Variants in SGCZ observed in about 807,000 individuals in gnomAD.
SGCZ encodes the protein sarcoglycan zeta.
Under a neutral mutation model 41.3 loss-of-function variants are expected in SGCZ, and 40 were observed. The ratio of observed to expected loss-of-function variants is 0.97; its 90% CI spans 0.75 to 1.26. The LOEUF is 1.26. Among genes scored for constraint, SGCZ ranks in the 50% most tolerant of loss-of-function variants. The pLI, the probability that SGCZ is intolerant of heterozygous loss-of-function variation, is 0.00. For missense variants in SGCZ, 552 were observed against 369.8 expected, an observed-to-expected ratio of 1.49 and a Z score of -4.04; for synonymous variants, 206 against 137.5, an observed-to-expected ratio of 1.50 and a Z score of -3.49.
chr8:14,169,580 G>A (rs1177199004), intron 4 of SGCZ, among the ~76,000 whole-genome samples: 1 of 151,962 alleles, frequency 6.6e-6, no homozygotes, highest in Non-Finnish European at 1.5e-5. Context: ...TACCTCCTTT[G>A]TCACCCATGT....
chr8:15,154,598 T>A (rs1314692727), intron 1 of SGCZ, among the ~76,000 whole-genome samples: 1 of 152,210 alleles, frequency 6.6e-6, no homozygotes, highest in South Asian at 2.1e-4. Flanking sequence ...AACTTCAGAA[T>A]GCCACCATAT....
chr8:15,036,371 C>G (rs77411126), intron 1 of SGCZ, among the ~76,000 whole-genome samples: 3 of 152,080 alleles, frequency 2.0e-5, no homozygotes, highest in Non-Finnish European at 4.4e-5. Flanking sequence ...CATGGACACA[C>G]AGAGGGGAGT....
intron 2 of SGCZ, among the ~76,000 whole-genome samples, chr8:14,489,598 C>G (rs1362038029): frequency 1.3e-5 from 2 of 151,594 alleles, no homozygotes; most frequent in African/African-American, 4.9e-5. Context: ...AACAGAGGTA[C>G]TAAAAAATAA....
intron 3 of SGCZ, among the ~76,000 whole-genome samples, chr8:14,297,765 G>A (rs886084397): frequency 5.9e-5 from 9 of 151,980 alleles, no homozygotes; most frequent in Admixed American, 5.9e-4. Flanking sequence ...AGAAAGCTCA[G>A]TTGGTAATTT....
intron 1 of SGCZ, among the ~76,000 whole-genome samples, chr8:14,670,540 T>C (rs1384819375): frequency 1.3e-5 from 2 of 152,194 alleles, no homozygotes; most frequent in Non-Finnish European, 2.9e-5. Context: ...ATAATAGCAA[T>C]GATTAGATTA....
chr8:14,331,782 T>G (rs1219343808), intron 2 of SGCZ, among the ~76,000 whole-genome samples: 1 of 151,782 alleles, frequency 6.6e-6, no homozygotes, highest in Non-Finnish European at 1.5e-5. Flanking sequence ...AATATAATAT[T>G]AAATATTGTA....
intron 2 of SGCZ, among the ~76,000 whole-genome samples, chr8:14,480,157 A>T (rs907317856): frequency 1.3e-5 from 2 of 152,226 alleles, no homozygotes; most frequent in African/African-American, 4.8e-5. Flanking sequence ...TTCTACACTG[A>T]AACAGTTTTC....
At chr8:14,287,135 A>C (rs547116050) in intron 3 of SGCZ, among the ~76,000 whole-genome samples, 784 of 69,672 alleles carry the variant, frequency 0.011, 3 homozygotes, top group Admixed American at 0.022. Flanking sequence ...TAGCACATAC[A>C]GTATTTTTTA....
chr8:14,808,104 G>T (rs950042961), intron 1 of SGCZ, among the ~76,000 whole-genome samples: 2 of 152,082 alleles, frequency 1.3e-5, no homozygotes, highest in Non-Finnish European at 2.9e-5. Context: ...AGACTGAAAC[G>T]TTAGACCTAA....
chr8:15,020,164 C>A (rs906771279), intron 1 of SGCZ, among the ~76,000 whole-genome samples: 1 of 152,058 alleles, frequency 6.6e-6, no homozygotes, highest in Non-Finnish European at 1.5e-5. Flanking sequence ...AGAAGATCAT[C>A]TCTACTGAGT....
intron 3 of SGCZ, among the ~76,000 whole-genome samples, chr8:14,239,430 C>A (rs9657232): frequency 0.011 from 1,609 of 152,090 alleles, 25 homozygotes; most frequent in African/African-American, 0.036. Flanking sequence ...AACTATAGGT[C>A]AAAATTATGT....
intron 1 of SGCZ, among the ~76,000 whole-genome samples, chr8:14,801,020 A>G (rs727386): frequency 6.6e-6 from 1 of 151,996 alleles, no homozygotes; most frequent in Non-Finnish European, 1.5e-5. Context: ...TAACTTTATA[A>G]CTATAATTTC....
At chr8:14,968,422 A>G (rs1801187905) in intron 1 of SGCZ, among the ~76,000 whole-genome samples, 1 of 152,164 alleles carries the variant, frequency 6.6e-6, no homozygotes, top group East Asian at 1.9e-4. Flanking sequence ...TAAACCAGAG[A>G]AATATCCCCA....
chr8:14,665,311 C>G (rs558102720), intron 1 of SGCZ, among the ~76,000 whole-genome samples: 1 of 152,208 alleles, frequency 6.6e-6, no homozygotes, highest in East Asian at 1.9e-4. Flanking sequence ...TGGTTTCCAG[C>G]TTCATCCATG....
intron 1 of SGCZ, among the ~76,000 whole-genome samples, chr8:14,944,023 G>C (rs914460399): frequency 1.3e-5 from 2 of 151,996 alleles, no homozygotes; most frequent in African/African-American, 4.8e-5. Context: ...GGGCATTTAG[G>C]TGAATTCCAT....
At chr8:14,908,337 C>A (rs1301688577) in intron 1 of SGCZ, among the ~76,000 whole-genome samples, 1 of 152,108 alleles carries the variant, frequency 6.6e-6, no homozygotes, top group Non-Finnish European at 1.5e-5. Context: ...AAATATTTAC[C>A]TAGTGGCCAT....
intron 2 of SGCZ, among the ~76,000 whole-genome samples, chr8:14,395,496 G>A (rs1480036127): frequency 6.6e-6 from 1 of 152,132 alleles, no homozygotes; most frequent in Non-Finnish European, 1.5e-5. Flanking sequence ...ATACACTTGG[G>A]CTAATAACAA....
chr8:14,492,725 G>T (rs149487528), intron 2 of SGCZ, among the ~76,000 whole-genome samples: 1 of 152,130 alleles, frequency 6.6e-6, no homozygotes, highest in Admixed American at 6.6e-5. Flanking sequence ...TTACTTCAGT[G>T]AATTTGGAAA....
At chr8:14,512,541 G>T (rs1385403043) in intron 2 of SGCZ, among the ~76,000 whole-genome samples, 2 of 151,728 alleles carry the variant, frequency 1.3e-5, no homozygotes, top group Admixed American at 1.3e-4. Flanking sequence ...GCTGACTGCA[G>T]CCTCAAATTC....
Sources: allele counts gnomAD v4.1 joint callset (sites outside exome capture counted in the v4.1 genomes callset), GRCh38; gene constraint gnomAD v4.1.1; transcripts MANE v1.5; gene names NCBI Gene and HGNC (gene_info 2026-07-23, HGNC 2026-07-21).